SCGB2A2: variants seen among roughly 807,000 people sequenced by gnomAD.
SCGB2A2 encodes the protein secretoglobin family 2A member 2, also known as mammaglobin-A.
In SCGB2A2, 11 loss-of-function variants were observed where a neutral mutation model predicts 8.8. That is an observed-to-expected ratio of 1.25 (90% CI 0.79 to 2.07). SCGB2A2 has a LOEUF of 2.07. Ranked by LOEUF, SCGB2A2 falls within the 30% of genes most tolerant of loss-of-function variation. SCGB2A2 has a pLI of 0.00. For missense variants in SCGB2A2, 113 were observed against 109.9 expected (o/e 1.03, Z -0.13); for synonymous variants, 42 against 40.9 (o/e 1.03, Z -0.10).
intron 2 of SCGB2A2, chr11:62,272,042 TAAA>T (rs71053028): frequency 0.19 from 41,246 of 214,560 alleles, 1,308 homozygotes; most frequent in Middle Eastern, 0.28. Context: ...CCTTCCCTGG[TAAA>T]AAAAAAAAAA....
intron 1 of SCGB2A2, 124 bp from the exon 2 acceptor site, chr11:62,270,757 T>G: frequency 1.4e-6 from 1 of 729,308 alleles, no homozygotes; most frequent in Non-Finnish European, 2.2e-6. Flanking sequence ...GAACTCTAGA[T>G]TCTGCATCAT....
In SCGB2A2 at chr11:62,270,284, C is replaced by A; in HGVS notation, c.55+13C>A. 2 of 1,612,742 alleles carry A rather than the reference C, an allele frequency of 1.2e-6. No homozygotes were observed. The highest frequency in any genetic ancestry group is 2.2e-5 in the South Asian group (2 of 91,052). On this transcript the variant is annotated intron_variant, in intron 1 of 2. Coordinates refer to ENST00000227918, the MANE Select transcript of SCGB2A2 (RefSeq NM_002411.4). ...CACTGCTACGCAGGTGAGTTCTGTG[C>A]AGGGAGGGCTGCCTCGGGGTTAGGG...
At chr11:62,271,385 A>G (rs760183993) in intron 2 of SCGB2A2, 101 of 1,431,096 alleles carry the variant, frequency 7.1e-5, no homozygotes, top group Non-Finnish European at 9.1e-5. Context: ...AATCACACAA[A>G]CACAGAAACA....
Position 62,273,049 on chromosome 11 carries a change from T to A in SCGB2A2, c.*54T>A. 1 of 1,336,008 alleles carries A rather than the reference T, an allele frequency of 7.5e-7. No homozygotes were observed. 82.8% of individuals were successfully genotyped at this position (1,336,008 alleles called of 1,614,324 possible). On this transcript the variant is annotated 3_prime_UTR_variant, in exon 3 of 3. Transcript: ENST00000227918. The stretch of plus-strand genomic sequence containing the variant: ...CTGCAGGGTATGGTGAGAAACCAAC[T>A]ACGGATTGCTGCAAACCACACCTTC...
chr11:62,271,150 A>G, intron 2 of SCGB2A2, 82 bp downstream of exon 2: 1 of 1,609,308 alleles, frequency 6.2e-7, no homozygotes. Flanking sequence ...TGACAATGCC[A>G]AAGCCACTAG....
chr11:62,270,504 C>T (rs1055293954), intron 1 of SCGB2A2, among the ~76,000 whole-genome samples: 6 of 152,198 alleles, frequency 3.9e-5, no homozygotes, highest in Non-Finnish European at 7.3e-5. Context: ...CACACTTGGC[C>T]TAAGATACTT....
intron 2 of SCGB2A2, 92 bp downstream of exon 2, chr11:62,271,160 G>C: frequency 6.2e-7 from 1 of 1,606,696 alleles, no homozygotes; most frequent in Non-Finnish European, 8.5e-7. Context: ...AAAGCCACTA[G>C]TGAACAAGCC....
intron 2 of SCGB2A2, 122 bp from the exon 3 acceptor site, chr11:62,272,835 C>T (rs1945290895): frequency 1.7e-6 from 1 of 598,812 alleles, no homozygotes; most frequent in African/African-American, 1.9e-5. Context: ...CCAGCCCTAA[C>T]CGTCTGGGAT....
At position 62,273,048 on chromosome 11, in the gene SCGB2A2, C is replaced by G; in HGVS notation, c.*53C>G. On this transcript the variant is annotated 3_prime_UTR_variant, in exon 3 of 3. Transcript: ENST00000227918. ...ACTGCAGGGTATGGTGAGAAACCAACTACGGATTGCTGCAAACCACACCTT... is the reference window on the plus strand; with the variant it reads ...ACTGCAGGGTATGGTGAGAAACCAAGTACGGATTGCTGCAAACCACACCTT... 1 of 1,333,864 alleles carries G rather than the reference C, an allele frequency of 7.5e-7. No homozygotes were observed. Among genetic ancestry groups the G allele is most frequent in the Non-Finnish European group, 1.1e-6 (1 of 945,500 alleles). The allele number at this position is 1,333,864 out of a possible 1,614,324, so 82.6% of individuals were successfully genotyped here.
intron 2 of SCGB2A2, chr11:62,272,057 A>AAAAAAAAAG (rs1945283911): frequency 1.3e-6 from 1 of 796,498 alleles, no homozygotes; most frequent in Admixed American, 6.3e-5. Flanking sequence ...AAAAAAAAAA[A>AAAAAAAAAG]AAAAAAGTTA....
In SCGB2A2 at chr11:62,272,968, T is replaced by G; in HGVS notation, c.255T>G (p.Tyr85Ter). The G allele has an allele frequency of 6.2e-7, 1 of 1,608,516 alleles. No individual in the cohort carries two copies. Among genetic ancestry groups the G allele is most frequent in the Non-Finnish European group, 8.5e-7 (1 of 1,177,270 alleles). ...TTTTTGCTTTCTAGCAATTAATATA[T>G]GACAGCAGTCTTTGTGATTTATTTT... is the stretch of plus-strand genomic sequence containing the variant. ...SNVEVFMQLIYDSSLCDLF is the reference protein window; with the variant it reads ...SNVEVFMQLI Residue 85 changes from tyrosine (Y) to a stop codon, truncating the protein, a stop_gained, in exon 3 of 3, where the codon TAT becomes TAG. Coordinates refer to ENST00000227918, the MANE Select transcript of SCGB2A2 (RefSeq NM_002411.4). LOFTEE classifies it low-confidence loss of function (END_TRUNC).
chr11:62,271,878 C>A, intron 2 of SCGB2A2: 3 of 984,674 alleles, frequency 3.0e-6, no homozygotes, highest in Non-Finnish European at 3.6e-6. Flanking sequence ...TTGGACTATC[C>A]AATAGGCAAC....
intron 2 of SCGB2A2, 87 bp from the exon 3 acceptor site, chr11:62,272,870 G>T: frequency 1.0e-6 from 1 of 1,004,198 alleles, no homozygotes; most frequent in South Asian, 1.6e-5. Flanking sequence ...GGCAAACCGT[G>T]GAAAAAGATA....
At chr11:62,270,321 G>A in intron 1 of SCGB2A2, 50 bp downstream of exon 1, 1 of 1,554,260 alleles carries the variant, frequency 6.4e-7, no homozygotes, top group South Asian at 1.1e-5. Context: ...TTGTCACTTG[G>A]GCCTCTATGG....
chr11:62,270,816 A>C (rs1039307502), intron 1 of SCGB2A2, 65 bp from the exon 2 acceptor site: 5 of 1,214,632 alleles, frequency 4.1e-6, no homozygotes, highest in African/African-American at 1.5e-5. Flanking sequence ...GAGGAATGTA[A>C]TAGGTCTGCC....
At chr11:62,272,714 T>C (rs559979872) in intron 2 of SCGB2A2, among the ~76,000 whole-genome samples, 6 of 147,530 alleles carry the variant, frequency 4.1e-5, no homozygotes, top group Non-Finnish European at 7.4e-5. Context: ...ATAGGTAATA[T>C]AGTCACGTAT....
Position 62,270,997 on chromosome 11 carries a change from G to A in SCGB2A2, c.172G>A (p.Ala58Thr), listed in dbSNP as rs770427836. Reference protein sequence around the residue: ...EFIDDNATTNAIDELKECFLN... With the variant: ...EFIDDNATTNTIDELKECFLN... Reference sequence around the variant, plus strand: ...CATAGACGACAATGCCACTACAAATGCCATAGATGAATTGAAGGAATGTTT... The same window carrying A: ...CATAGACGACAATGCCACTACAAATACCATAGATGAATTGAAGGAATGTTT... Residue 58 changes from alanine to threonine, a missense_variant, in exon 2 of 3, where the codon GCC becomes ACC. By Grantham distance (58) the Ala-to-Thr change is moderately conservative. Coordinates refer to ENST00000227918, the MANE Select transcript of SCGB2A2 (RefSeq NM_002411.4). The A allele has an allele frequency of 8.1e-6, 13 of 1,614,002 alleles. No individual in the cohort carries two copies. Among genetic ancestry groups the A allele is most frequent in the Middle Eastern group, 3.3e-4 (2 of 6,082 alleles).
intron 1 of SCGB2A2, among the ~76,000 whole-genome samples, chr11:62,270,571 C>A (rs1945269266): frequency 6.6e-6 from 1 of 152,170 alleles, no homozygotes; most frequent in African/African-American, 2.4e-5. Context: ...GATTTTGAAC[C>A]AAAGAAGACC....
At position 62,271,280 on chromosome 11, in the gene SCGB2A2, T is replaced by A. The variant is rs7129637; in HGVS notation, c.243+212T>A. Reference sequence around the variant, plus strand: ...CTCTACCCAGAGAATCCTCAGTGGATGATAAATGAATAGGGCAAGAGAGGA... The same window carrying A: ...CTCTACCCAGAGAATCCTCAGTGGAAGATAAATGAATAGGGCAAGAGAGGA... On this transcript the variant is annotated intron_variant, in intron 2 of 2. Transcript: ENST00000227918. The A allele has an allele frequency of 0.016, 23,359 of 1,458,688 alleles. 3,249 individuals are homozygous for A. In the African/African-American group the frequency reaches 0.3, roughly 19 times the overall value. 90.4% of individuals were successfully genotyped at this position (1,458,688 alleles called of 1,614,324 possible). A position where few individuals can be genotyped will look rare whatever the true frequency, so the allele number is the denominator to read the frequency against.
Sources: gnomAD v4.1 joint callset for allele counts (sites outside exome capture counted in the v4.1 genomes callset) on GRCh38, gnomAD v4.1.1 for gene constraint, MANE v1.5 for transcripts, NCBI Gene and HGNC (gene_info 2026-07-23, HGNC 2026-07-21) for gene names.